Variants in SAFB observed in about 807,000 individuals in gnomAD.
The protein encoded by SAFB is scaffold attachment factor B1.
In SAFB, 15 loss-of-function variants were observed where a neutral mutation model predicts 101.6. The observed-to-expected ratio is 0.15, with a 90% CI of 0.10 to 0.23. The LOEUF (loss-of-function observed/expected upper bound fraction) is 0.23, where lower values mean the gene tolerates loss of function less well. Ranked by LOEUF, SAFB falls within the 10% of genes least tolerant of loss-of-function variation. The pLI, the probability that SAFB is intolerant of heterozygous loss-of-function variation, is 1.00. For synonymous variants in SAFB, 449 were observed against 407.5 expected (o/e 1.10, Z -1.23); for missense variants, 930 against 1,104.1 (o/e 0.84, Z 2.23).
Position 5,667,863 on chromosome 19 carries a change from G to A in SAFB, c.2601G>A (p.Met867Ile). The A allele has an allele frequency of 6.2e-7, 1 of 1,610,680 alleles. No homozygotes were observed. Among genetic ancestry groups the A allele is most frequent in the Non-Finnish European group, 8.5e-7 (1 of 1,178,498 alleles). Residue 867 changes from methionine (M) to isoleucine (I), a missense_variant, in exon 20 of 21, where the codon ATG becomes ATA. Coordinates refer to ENST00000588852, the MANE Select transcript of SAFB (RefSeq NM_001201338.2). The surrounding 1 kb of genome is among the most constrained non-coding windows in gnomAD (Gnocchi z 4.0). ...CCGGTCACTCCGGGCCTGGCCACAT[G>A]ATGAACCGAGGAGGAATGTCAGGGT... ...SMSGHSGPGH[M>I]MNRGGMSGRG...
chr19:5,626,437 A>T lies in SAFB; in HGVS notation c.222A>T (p.Glu74Asp). The change falls in exon 2 of 21, where the codon GAA becomes GAT. Residue 74 changes from glutamate (E) to aspartate (D), a missense_variant. This residue lies in a region of SAFB where 119 missense variants were observed against 171.4 expected (regional missense o/e 0.69). Coordinates refer to ENST00000588852, the MANE Select transcript of SAFB (RefSeq NM_001201338.2). ...AIEDEGGNPD[E>D]IEITSEGNKK... ...AAGATGAAGGTGGTAATCCTGACGA[A>T]ATTGAAATTACCTCCGAGGGAAACA... 4.3e-6 allele frequency: 7 copies of T among 1,611,214 alleles called. No homozygotes were observed. The highest frequency in any genetic ancestry group is 5.9e-6 in the Non-Finnish European group (7 of 1,177,328).
chr19:5,661,948 G>C, intron 15 of SAFB, 140 bp downstream of exon 15: 1 of 671,966 alleles, frequency 1.5e-6, no homozygotes. Context: ...GCAGTGACCC[G>C]ATCTTGGCTC....
At chr19:5,664,251 C>T (rs548045272) in intron 16 of SAFB, 92 bp downstream of exon 16, 133 of 1,470,452 alleles carry the variant, frequency 9.0e-5, no homozygotes, top group Admixed American at 2.4e-4. Context: ...GAACCCACTC[C>T]GTTCATCAGA....
At position 5,641,788 on chromosome 19, in the gene SAFB, G is replaced by A. The variant is rs996829021; in HGVS notation, c.388G>A (p.Asp130Asn). 1 of 1,614,014 alleles carries A rather than the reference G, an allele frequency of 6.2e-7. No individual in the cohort carries two copies. Among genetic ancestry groups the A allele is most frequent in the African/African-American group, 1.3e-5 (1 of 74,902 alleles). Residue 130 changes from aspartate (D) to asparagine (N), a missense_variant, in exon 4 of 21, where the codon GAT (aspartate) becomes AAT (asparagine). Around this residue, in one of 7 missense-constraint regions of SAFB, gnomAD observed 119 missense variants for 171.4 expected, o/e 0.69. Transcript: ENST00000588852. ...GAACTTGCAGGACATCGACATCATG[G>A]ATATCAGTGTGTTGGATGAAGCAGA... ...LENLQDIDIM[D>N]ISVLDEAEID...
intron 2 of SAFB, among the ~76,000 whole-genome samples, chr19:5,635,610 CAG>C: frequency 6.6e-6 from 1 of 152,176 alleles, no homozygotes; most frequent in Admixed American, 6.5e-5. Flanking sequence ...GTAATCAAAT[CAG>C]AAAGTAATGA....
intron 13 of SAFB, among the ~76,000 whole-genome samples, chr19:5,656,545 G>C (rs1212771514): frequency 6.6e-6 from 1 of 150,764 alleles, no homozygotes; most frequent in African/African-American, 2.4e-5. Flanking sequence ...CAAAGTGGTA[G>C]GATTATAGGC....
intron 11 of SAFB, among the ~76,000 whole-genome samples, chr19:5,653,691 C>T (rs2053990652): frequency 6.6e-6 from 1 of 151,856 alleles, no homozygotes; most frequent in African/African-American, 2.4e-5. Context: ...TCTTGAACTC[C>T]TGACCTTGTG....
intron 9 of SAFB, among the ~76,000 whole-genome samples, chr19:5,652,343 C>T (rs1194666055): frequency 6.6e-6 from 1 of 152,122 alleles, no homozygotes; most frequent in Non-Finnish European, 1.5e-5. Flanking sequence ...CCATGGCGTC[C>T]CCCAGCGGGT....
chr19:5,626,361 T>A (rs2053360581), intron 1 of SAFB, 44 bp from the exon 2 acceptor site: 1 of 1,127,154 alleles, frequency 8.9e-7, no homozygotes, highest in Non-Finnish European at 1.4e-6. Context: ...AAGCAGTGTG[T>A]GAGCTGACTT....
rs867493353 is a variant in SAFB at position 5,654,437 on chromosome 19, C to T, written c.1736C>T (p.Thr579Met). 3 of 1,607,492 alleles carry T rather than the reference C, an allele frequency of 1.9e-6. No individual in the cohort carries two copies. The highest frequency in any genetic ancestry group is 2.7e-5 in the African/African-American group (2 of 74,748). ...GGGGTGCCTGTGATTAGTGTAAAAA[C>T]GTCCGGGTCCAAAGAGAGAGTGAGT... ...SKGVPVISVK[T>M]SGSKERASKS... Residue 579 changes from threonine to methionine, a missense_variant, in exon 13 of 21, where the codon ACG becomes ATG. Around this residue, in one of 7 missense-constraint regions of SAFB, gnomAD observed 159 missense variants for 234.1 expected, o/e 0.68. Coordinates refer to ENST00000588852, the MANE Select transcript of SAFB (RefSeq NM_001201338.2).
chr19:5,642,591 T>G (rs2053741402), intron 4 of SAFB, among the ~76,000 whole-genome samples: 1 of 151,432 alleles, frequency 6.6e-6, no homozygotes, highest in Non-Finnish European at 1.5e-5. Context: ...ATAGTAAGAT[T>G]ATAGTGGGTA....
chr19:5,653,402 A>G lies in SAFB; in HGVS notation c.1508A>G (p.Lys503Arg). 1 of 1,614,168 alleles carries G rather than the reference A, an allele frequency of 6.2e-7. No individual in the cohort carries two copies. The highest frequency in any genetic ancestry group is 8.5e-7 in the Non-Finnish European group (1 of 1,180,010). ...AGAGACAGTGACGGGAAAAAGGAGA[A>G]GTCGAGCAACAGTGACAGGTACCCC... is the stretch of plus-strand genomic sequence containing the variant. ...DKRDSDGKKEKSSNSDRSTNL... is the reference protein window; with the variant it reads ...DKRDSDGKKERSSNSDRSTNL... Residue 503 changes from lysine to arginine, a missense_variant, in exon 11 of 21, where the codon AAG becomes AGG. Physicochemically the swap from Lys to Arg is conservative, Grantham distance 26 (BLOSUM62 2). Coordinates refer to ENST00000588852, the MANE Select transcript of SAFB (RefSeq NM_001201338.2).
intron 13 of SAFB, among the ~76,000 whole-genome samples, chr19:5,655,841 G>A (rs2054047425): frequency 6.6e-6 from 1 of 152,192 alleles, no homozygotes; most frequent in South Asian, 2.1e-4. Context: ...CAATGTCATT[G>A]GCACAAATAA....
In SAFB at chr19:5,636,843, G is replaced by A. The variant is rs1434621413; in HGVS notation, c.275-4751G>A. ...CCTGTCTCAGCCTCCCGAGTAGCTGGGATTACAGGTGCCTGACACCACACC... is the reference window on the plus strand; with the variant it reads ...CCTGTCTCAGCCTCCCGAGTAGCTGAGATTACAGGTGCCTGACACCACACC... On this transcript the variant is annotated intron_variant, in intron 2 of 20. Coordinates refer to ENST00000588852, the MANE Select transcript of SAFB (RefSeq NM_001201338.2). Among the ~76,000 whole-genome samples the A allele has an allele frequency of 2.0e-5, 3 of 151,600 alleles. No homozygotes were observed. In the East Asian group the frequency reaches 5.9e-4, roughly 30 times the overall value.
At chr19:5,662,702 G>A (rs1245046079) in intron 15 of SAFB, among the ~76,000 whole-genome samples, 6 of 148,884 alleles carry the variant, frequency 4.0e-5, no homozygotes, top group South Asian at 2.1e-4. Flanking sequence ...GTGCAATGGC[G>A]CGATCGCTGC....
intron 2 of SAFB, among the ~76,000 whole-genome samples, chr19:5,639,941 G>T (rs1471837904): frequency 6.6e-6 from 1 of 151,946 alleles, no homozygotes; most frequent in African/African-American, 2.4e-5. Flanking sequence ...GGGTTCAAGC[G>T]ATTCTCCTGC....
intron 11 of SAFB, among the ~76,000 whole-genome samples, 163 bp downstream of exon 11, chr19:5,653,583 AGCCTCCT>A (rs2053988839): frequency 1.3e-5 from 2 of 152,244 alleles, no homozygotes; most frequent in Admixed American, 1.3e-4. Flanking sequence ...CTCCTGCCTC[AGCCTCCT>A]GAGTATCTGG....
Position 5,657,344 on chromosome 19 carries a change from A to G in SAFB, c.1859A>G (p.His620Arg). 1.3e-6 allele frequency: 2 copies of G among 1,594,460 alleles called. No homozygotes were observed. Among genetic ancestry groups the G allele is most frequent in the Non-Finnish European group, 1.7e-6 (2 of 1,162,252 alleles). The change falls in exon 14 of 21, where the codon CAT becomes CGT. Residue 620 changes from histidine to arginine, a missense_variant. This residue lies in a region of SAFB where 159 missense variants were observed against 234.1 expected (regional missense o/e 0.68). Coordinates refer to ENST00000588852, the MANE Select transcript of SAFB (RefSeq NM_001201338.2). Reference sequence around the variant, plus strand: ...CGGAAGTCAAGAGACTCAGAGTCCCATAGGTGAGTAGGGATCCAGGAACGG... The same window carrying G: ...CGGAAGTCAAGAGACTCAGAGTCCCGTAGGTGAGTAGGGATCCAGGAACGG... ...EPRKSRDSESHSRVRERSERE... is the reference protein window; with the variant it reads ...EPRKSRDSESRSRVRERSERE...
At chr19:5,645,944 T>G (rs189245753) in intron 5 of SAFB, among the ~76,000 whole-genome samples, 23 of 152,294 alleles carry the variant, frequency 1.5e-4, no homozygotes, top group Admixed American at 6.5e-4. Flanking sequence ...GACTGTATCA[T>G]CCTACCTGTT....
Sources: gnomAD v4.1 joint callset for allele counts (sites outside exome capture counted in the v4.1 genomes callset) on GRCh38, gnomAD v4.1.1 for gene constraint, gnomAD v4.1.1 regional missense constraint, Gnocchi (gnomAD v3.1) non-coding constraint, MANE v1.5 for transcripts, NCBI Gene and HGNC (gene_info 2026-07-23, HGNC 2026-07-21) for gene names.